The following DCAF5 variants were observed in gnomAD, a reference collection of about 807,000 sequenced individuals.
DCAF5 encodes DDB1 and CUL4 associated factor 5, also known as DDB1- and CUL4-associated factor 5.
Under a neutral mutation model 80.7 loss-of-function variants are expected in DCAF5, and 9 were observed. That is an observed-to-expected ratio of 0.11 (90% CI 0.07 to 0.19). DCAF5 has a LOEUF of 0.19. Ranked by LOEUF, DCAF5 falls within the 10% of genes least tolerant of loss-of-function variation. The pLI is 1.00. For synonymous variants in DCAF5, 433 were observed against 461.9 expected (o/e 0.94, Z 0.80); for missense variants, 842 against 1,205.7 (o/e 0.70, Z 4.47).
At chr14:69,072,502 G>A (rs1051487877) in intron 7 of DCAF5, among the ~76,000 whole-genome samples, 21 of 151,850 alleles carry the variant, frequency 1.4e-4, no homozygotes, top group Non-Finnish European at 5.9e-5. Context: ...TAGATACTTG[G>A]GAGGCTTAGG....
intron 7 of DCAF5, among the ~76,000 whole-genome samples, chr14:69,074,617 C>T (rs955407233): frequency 1.3e-5 from 2 of 152,308 alleles, no homozygotes; most frequent in African/African-American, 4.8e-5. Context: ...GAAAGCCTCC[C>T]TTTAGTTAAC....
intron 1 of DCAF5, among the ~76,000 whole-genome samples, chr14:69,129,119 T>A (rs991791073): frequency 6.6e-6 from 1 of 152,206 alleles, no homozygotes; most frequent in African/African-American, 2.4e-5. Flanking sequence ...TAATTCAAAA[T>A]TCATGGCTAT....
intron 1 of DCAF5, among the ~76,000 whole-genome samples, chr14:69,150,512 A>G (rs1368169199): frequency 1.3e-5 from 2 of 152,200 alleles, no homozygotes; most frequent in Admixed American, 6.5e-5. Context: ...ACTGGTAAAG[A>G]ACATTTCGTG....
At chr14:69,060,618 G>T (rs1174198604) in intron 8 of DCAF5, among the ~76,000 whole-genome samples, 1 of 151,794 alleles carries the variant, frequency 6.6e-6, no homozygotes, top group South Asian at 2.1e-4. Context: ...TACAACCTCC[G>T]CGTCCTGGGT....
intron 5 of DCAF5, among the ~76,000 whole-genome samples, chr14:69,109,017 G>C (rs1371538807): frequency 6.6e-6 from 1 of 152,076 alleles, no homozygotes; most frequent in Non-Finnish European, 1.5e-5. Flanking sequence ...GACAACAGTG[G>C]CCTTGGATTC....
chr14:69,137,182 G>A (rs917465990), intron 1 of DCAF5, among the ~76,000 whole-genome samples: 4 of 152,140 alleles, frequency 2.6e-5, no homozygotes, highest in Non-Finnish European at 5.9e-5. Context: ...CCATAGTAAA[G>A]TATGGAATTA....
At chr14:69,080,043 G>GA (rs1555370505) in intron 6 of DCAF5, among the ~76,000 whole-genome samples, 1 of 152,178 alleles carries the variant, frequency 6.6e-6, no homozygotes, top group Non-Finnish European at 1.5e-5. Flanking sequence ...ATATCTGGGA[G>GA]AAGAGTATTC....
At position 69,128,268 on chromosome 14, in the gene DCAF5, C is replaced by T. The variant is rs369552685; in HGVS notation, c.215-5908G>A. On this transcript the variant is annotated intron_variant, in intron 1 of 8. Coordinates refer to ENST00000341516, the MANE Select transcript of DCAF5 (RefSeq NM_003861.3). ...GTGGCATGATCTCAGCTCACTGCAG[C>T]CTCCACCTCCCAGGTTCAACTGATT... is the stretch of plus-strand genomic sequence containing the variant. Among the ~76,000 whole-genome samples, 4 of 151,384 alleles carry T rather than the reference C, an allele frequency of 2.6e-5. No individual in the cohort carries two copies. In the East Asian group the frequency reaches 5.8e-4, roughly 22 times the overall value.
At chr14:69,089,408 T>C (rs1237536865) in intron 6 of DCAF5, 1 of 152,212 alleles carries the variant, frequency 6.6e-6, no homozygotes. Context: ...CAAAGTTAGA[T>C]TCAATGACTT....
chr14:69,135,013 TAAAC>T (rs926506823), intron 1 of DCAF5, among the ~76,000 whole-genome samples: 3 of 152,092 alleles, frequency 2.0e-5, no homozygotes, highest in Non-Finnish European at 4.4e-5. Context: ...AAGCAAAAAA[TAAAC>T]AGAAGAAACA....
chr14:69,127,603 C>T (rs937925973), intron 1 of DCAF5, among the ~76,000 whole-genome samples: 1 of 152,116 alleles, frequency 6.6e-6, no homozygotes, highest in African/African-American at 2.4e-5. Context: ...ATATACAATA[C>T]CAAAAGTGAA....
chr14:69,082,626 G>A (rs1429267422), intron 6 of DCAF5, among the ~76,000 whole-genome samples: 2 of 152,298 alleles, frequency 1.3e-5, no homozygotes, highest in Non-Finnish European at 2.9e-5. Flanking sequence ...TGAGCAAGAT[G>A]AGGGGCCATT....
At chr14:69,139,834 A>G (rs1395706646) in intron 1 of DCAF5, among the ~76,000 whole-genome samples, 1 of 151,218 alleles carries the variant, frequency 6.6e-6, no homozygotes, top group Admixed American at 6.6e-5. Context: ...CTCAAAAAAA[A>G]AAAAAAGAAA....
intron 1 of DCAF5, among the ~76,000 whole-genome samples, chr14:69,151,377 C>T (rs1297013710): frequency 6.6e-6 from 1 of 152,178 alleles, no homozygotes; most frequent in Admixed American, 6.5e-5. Flanking sequence ...CGCCCCATGT[C>T]ACTTCCGAAG....
In DCAF5 at chr14:69,093,593, G is replaced by T. The variant is rs549222932; in HGVS notation, c.666-1706C>A. On this transcript the variant is annotated intron_variant, in intron 5 of 8. Coordinates refer to ENST00000341516, the MANE Select transcript of DCAF5 (RefSeq NM_003861.3). Reference sequence around the variant, plus strand: ...AAAGAGCTATCCTATCCTATGGGAAGGGAAGCCCTGAAACCACAGTACAAA... The same window carrying T: ...AAAGAGCTATCCTATCCTATGGGAATGGAAGCCCTGAAACCACAGTACAAA... Among the ~76,000 whole-genome samples, 4 of 152,284 alleles carry T rather than the reference G, an allele frequency of 2.6e-5. No individual in the cohort carries two copies. In the East Asian group the frequency reaches 7.7e-4, roughly 29 times the overall value.
chr14:69,084,224 G>C (rs1254059357), intron 6 of DCAF5: 2 of 1,012,648 alleles, frequency 2.0e-6, no homozygotes, highest in Non-Finnish European at 3.1e-6. Flanking sequence ...GCATACCTAT[G>C]GGTTGATAAT....
At chr14:69,117,917 C>T (rs2040591309) in intron 4 of DCAF5, among the ~76,000 whole-genome samples, 1 of 152,154 alleles carries the variant, frequency 6.6e-6, no homozygotes, top group Admixed American at 6.5e-5. Flanking sequence ...TGTGGAGAGT[C>T]ACAGGAGGGT....
rs2038859176 is a variant in DCAF5, at chr14:69,075,327, T to C, written c.946+18A>G. Reference sequence around the variant, plus strand: ...AGAGCCAGCAATAGCAGTACATTCATGTGAAGGATATACTTGCCTGCTTCT... The same window carrying C: ...AGAGCCAGCAATAGCAGTACATTCACGTGAAGGATATACTTGCCTGCTTCT... On this transcript the variant is annotated intron_variant, in intron 7 of 8. Coordinates refer to ENST00000341516, the MANE Select transcript of DCAF5 (RefSeq NM_003861.3). 1 of 1,601,418 alleles carries C rather than the reference T, an allele frequency of 6.2e-7. No homozygotes were observed. Among genetic ancestry groups the C allele is most frequent in the Non-Finnish European group, 8.5e-7 (1 of 1,171,310 alleles).
intron 6 of DCAF5, among the ~76,000 whole-genome samples, chr14:69,075,780 G>A (rs982201717): frequency 2.0e-5 from 3 of 152,094 alleles, no homozygotes; most frequent in Non-Finnish European, 4.4e-5. Context: ...CACCACAACT[G>A]GCCTAAACAT....
Sources: gnomAD v4.1 joint callset for allele counts (sites outside exome capture counted in the v4.1 genomes callset) on GRCh38, gnomAD v4.1.1 for gene constraint, MANE v1.5 for transcripts, NCBI Gene and HGNC (gene_info 2026-07-23, HGNC 2026-07-21) for gene names.